Variants in SGCZ observed in about 807,000 individuals in gnomAD.
SGCZ encodes sarcoglycan zeta.
In SGCZ, 40 loss-of-function variants were observed where a neutral mutation model predicts 41.3. The ratio of observed to expected loss-of-function variants is 0.97; its 90% CI spans 0.75 to 1.26. The LOEUF (loss-of-function observed/expected upper bound fraction) is 1.26. Ranked by LOEUF, SGCZ falls within the 50% of genes most tolerant of loss-of-function variation. The pLI is 0.00. For synonymous variants in SGCZ, 206 were observed against 137.5 expected (o/e 1.50, Z -3.49); for missense variants, 552 against 369.8 (o/e 1.49, Z -4.04).
chr8:14,349,442 C>T (rs1211056306), intron 2 of SGCZ, among the ~76,000 whole-genome samples: 2 of 151,962 alleles, frequency 1.3e-5, no homozygotes, highest in African/African-American at 4.8e-5. Flanking sequence ...GCAGGCTTTC[C>T]CCTATGTCAA....
intron 1 of SGCZ, among the ~76,000 whole-genome samples, chr8:15,230,181 T>C (rs1458283409): frequency 3.1e-5 from 4 of 127,788 alleles, no homozygotes; most frequent in Admixed American, 1.7e-4. Context: ...ATAAGGATAC[T>C]AGTTAAAAAA....
At position 14,636,852 on chromosome 8, in the gene SGCZ, T is replaced by C. The variant is rs1035056186; in HGVS notation, c.40-81926A>G. Among the ~76,000 whole-genome samples, 3 of 151,900 alleles carry C rather than the reference T, an allele frequency of 2.0e-5. No individual in the cohort carries two copies. The East Asian group carries it at 5.8e-4, about 29-fold the overall frequency. On this transcript the variant is annotated intron_variant, in intron 1 of 7. Transcript: ENST00000382080. Reference sequence around the variant, plus strand: ...AAAACAAAAACAAAAGCGAAAGTCATTATGGAAACTCAGAAGAATAAAATA... The same window carrying C: ...AAAACAAAAACAAAAGCGAAAGTCACTATGGAAACTCAGAAGAATAAAATA...
In SGCZ at chr8:14,102,564, A is replaced by G. The variant is rs1005622261; in HGVS notation, c.621-65T>C. On this transcript the variant is annotated intron_variant, in intron 6 of 7. Transcript: ENST00000382080. Reference sequence around the variant, plus strand: ...CACAAAAAAATCATTAATAGAAAAAAGAAAATTTTTGATAAACTAGAAGAC... The same window carrying G: ...CACAAAAAAATCATTAATAGAAAAAGGAAAATTTTTGATAAACTAGAAGAC... The G allele has an allele frequency of 4.4e-5, 56 of 1,266,228 alleles. No homozygotes were observed. The African/African-American group carries it at 7.9e-4, about 18-fold the overall frequency. The allele number at this position is 1,266,228 out of a possible 1,614,324, so 78.4% of individuals were successfully genotyped here.
At chr8:14,140,003 T>A (rs989478993) in intron 5 of SGCZ, among the ~76,000 whole-genome samples, 2 of 152,194 alleles carry the variant, frequency 1.3e-5, no homozygotes, top group Non-Finnish European at 2.9e-5. Flanking sequence ...AAATTTGCTT[T>A]ATCCCTGGGA....
chr8:15,100,858 G>A (rs538336163), intron 1 of SGCZ, among the ~76,000 whole-genome samples: 8 of 152,004 alleles, frequency 5.3e-5, no homozygotes, highest in Admixed American at 1.3e-4. Flanking sequence ...GCATGGTGGC[G>A]CACACCTATG....
At position 14,185,125 on chromosome 8, in the gene SGCZ, G is replaced by GGC. The variant is rs1364099732; in HGVS notation, c.425-20425_425-20424dup. On this transcript the variant is annotated intron_variant, in intron 4 of 7. Transcript: ENST00000382080. ...TTCAATCAAATCTGGCTTTCACCCA[G>GGC]GCACGGTGGCTCACACCTGTAATCC... 2.0e-5 allele frequency among the ~76,000 whole-genome samples: 3 copies of GGC among 152,076 alleles called. 1 individual carries two copies. Among genetic ancestry groups the GGC allele is most frequent in the Admixed American group, 6.6e-5 (1 of 15,264 alleles).
intron 1 of SGCZ, among the ~76,000 whole-genome samples, chr8:14,760,449 T>C (rs771332890): frequency 6.6e-6 from 1 of 152,218 alleles, no homozygotes; most frequent in South Asian, 2.1e-4. Context: ...GGGGAAAATA[T>C]ATATCTTTAA....
chr8:14,948,897 C>G (rs1800540144), intron 1 of SGCZ, among the ~76,000 whole-genome samples: 1 of 145,524 alleles, frequency 6.9e-6, no homozygotes, highest in Admixed American at 6.9e-5. Context: ...CTCTCTCTCT[C>G]AAAATTCCCC....
intron 4 of SGCZ, among the ~76,000 whole-genome samples, chr8:14,210,473 T>G (rs995390483): frequency 3.9e-5 from 6 of 152,038 alleles, no homozygotes; most frequent in Non-Finnish European, 8.8e-5. Context: ...GAACTTTTTT[T>G]TTTTTTTAAA....
chr8:14,762,286 A>T (rs1799909202), intron 1 of SGCZ, among the ~76,000 whole-genome samples: 1 of 152,166 alleles, frequency 6.6e-6, no homozygotes, highest in African/African-American at 2.4e-5. Flanking sequence ...TGGACCTCAA[A>T]ACAGTAAAAT....
intron 3 of SGCZ, among the ~76,000 whole-genome samples, chr8:14,254,299 C>G (rs760992475): frequency 1.3e-5 from 2 of 152,150 alleles, no homozygotes; most frequent in African/African-American, 2.4e-5. Context: ...TATTTTCCCA[C>G]AATACTAGCA....
intron 1 of SGCZ, among the ~76,000 whole-genome samples, chr8:14,946,761 C>T (rs752740937): frequency 6.6e-6 from 1 of 151,362 alleles, no homozygotes; most frequent in Admixed American, 6.6e-5. Context: ...CTGCAACCTC[C>T]ACCTACAGGG....
rs577176519 is a variant in SGCZ at position 14,117,958 on chromosome 8, C to T, written c.548-9723G>A. ...TTAGTATTCCATGGTTTATATGTGC[C>T]ACATTTTCTTTATGCAGTCTATCAT... On this transcript the variant is annotated intron_variant, in intron 5 of 7. Coordinates refer to ENST00000382080, the MANE Select transcript of SGCZ (RefSeq NM_139167.4). Among the ~76,000 whole-genome samples, 29 of 147,894 alleles carry T rather than the reference C, an allele frequency of 2.0e-4. 1 individual carries two copies. The highest frequency in any genetic ancestry group is 1.3e-3 in the Admixed American group (19 of 14,342).
At chr8:14,608,260 C>CTT (rs35064962) in intron 1 of SGCZ, among the ~76,000 whole-genome samples, 84,939 of 147,866 alleles carry the variant, frequency 0.57, 24,260 homozygotes, top group East Asian at 0.71. Flanking sequence ...TTATTTGAGG[C>CTT]TTTTTTTTTT....
chr8:15,110,235 T>A (rs960357520), intron 1 of SGCZ, among the ~76,000 whole-genome samples: 5 of 152,128 alleles, frequency 3.3e-5, no homozygotes, highest in African/African-American at 4.8e-5. Flanking sequence ...AGTCAGATGA[T>A]CCTTGAGTTA....
At chr8:14,744,597 G>T (rs1401479232) in intron 1 of SGCZ, among the ~76,000 whole-genome samples, 1 of 152,078 alleles carries the variant, frequency 6.6e-6, no homozygotes, top group East Asian at 1.9e-4. Context: ...CTGGATCCAC[G>T]TAGAGGTGTA....
At chr8:14,512,671 G>T (rs1255602256) in intron 2 of SGCZ, among the ~76,000 whole-genome samples, 1 of 151,546 alleles carries the variant, frequency 6.6e-6, no homozygotes. Flanking sequence ...CCATTATGTT[G>T]CCCAGGCTGG....
At chr8:14,815,327 G>C (rs1199649734) in intron 1 of SGCZ, among the ~76,000 whole-genome samples, 1 of 150,596 alleles carries the variant, frequency 6.6e-6, no homozygotes, top group Non-Finnish European at 1.5e-5. Flanking sequence ...ATAGCGGAAA[G>C]TTGATAAAAT....
intron 1 of SGCZ, among the ~76,000 whole-genome samples, chr8:14,778,417 T>C (rs1463854075): frequency 6.6e-6 from 1 of 152,112 alleles, no homozygotes; most frequent in Non-Finnish European, 1.5e-5. Flanking sequence ...GTAAATGAAC[T>C]TTTTTCCTGG....
Sources: gnomAD v4.1 joint callset for allele counts (sites outside exome capture counted in the v4.1 genomes callset) on GRCh38, gnomAD v4.1.1 for gene constraint, MANE v1.5 for transcripts, NCBI Gene and HGNC (gene_info 2026-07-23, HGNC 2026-07-21) for gene names.